Variants in SGCZ observed in about 807,000 individuals in gnomAD.
SGCZ encodes sarcoglycan zeta.
A neutral mutation model predicts 41.3 loss-of-function variants in SGCZ; 40 were observed. That is an observed-to-expected ratio of 0.97 (90% CI 0.75 to 1.26). SGCZ has a LOEUF of 1.26. SGCZ is among the 50% of genes most tolerant of loss of function. The pLI, the probability that SGCZ is intolerant of heterozygous loss-of-function variation, is 0.00. For synonymous variants in SGCZ, 206 were observed against 137.5 expected, an observed-to-expected ratio of 1.50 and a Z score of -3.49; for missense variants, 552 against 369.8, an observed-to-expected ratio of 1.49 and a Z score of -4.04.
intron 1 of SGCZ, among the ~76,000 whole-genome samples, chr8:15,064,383 G>A (rs929754483): frequency 3.3e-5 from 5 of 151,668 alleles, no homozygotes; most frequent in African/African-American, 4.9e-5. Flanking sequence ...TCCTATCCCC[G>A]CACATATATT....
chr8:14,213,495 C>A (rs1805886700), intron 4 of SGCZ, among the ~76,000 whole-genome samples: 1 of 151,484 alleles, frequency 6.6e-6, no homozygotes, highest in African/African-American at 2.4e-5. Context: ...CCTTCTTATA[C>A]AAAGAAAAAA....
At chr8:14,581,169 G>C (rs929562593) in intron 1 of SGCZ, among the ~76,000 whole-genome samples, 3 of 152,066 alleles carry the variant, frequency 2.0e-5, no homozygotes, top group Non-Finnish European at 4.4e-5. Context: ...GTGCAGTGGT[G>C]CGATCTCGGC....
At chr8:14,163,859 TTTC>T (rs1244444094) in intron 5 of SGCZ, among the ~76,000 whole-genome samples, 1 of 152,126 alleles carries the variant, frequency 6.6e-6, no homozygotes, top group Non-Finnish European at 1.5e-5. Flanking sequence ...ACTTTATTAT[TTTC>T]TTCTTGTTTT....
chr8:14,888,876 T>C (rs958843434), intron 1 of SGCZ, among the ~76,000 whole-genome samples: 2 of 152,172 alleles, frequency 1.3e-5, no homozygotes, highest in Non-Finnish European at 2.9e-5. Flanking sequence ...TGGCTTAAAA[T>C]ATTACTTTAA....
intron 1 of SGCZ, among the ~76,000 whole-genome samples, chr8:15,087,612 T>C (rs1805998334): frequency 6.6e-6 from 1 of 152,168 alleles, no homozygotes; most frequent in Non-Finnish European, 1.5e-5. Flanking sequence ...ATGGGTGTAC[T>C]AAAGAGCTTG....
intron 1 of SGCZ, among the ~76,000 whole-genome samples, chr8:14,932,201 T>C (rs1799940807): frequency 6.6e-6 from 1 of 151,910 alleles, no homozygotes. Context: ...CCTAATAAAA[T>C]TAAACATATG....
intron 1 of SGCZ, among the ~76,000 whole-genome samples, chr8:14,838,983 G>A (rs1462942730): frequency 6.6e-6 from 1 of 152,122 alleles, no homozygotes; most frequent in Non-Finnish European, 1.5e-5. Context: ...GACTTCAGGT[G>A]ATCTCCTCAG....
chr8:15,101,669 G>A (rs1038514004), intron 1 of SGCZ, among the ~76,000 whole-genome samples: 4 of 152,230 alleles, frequency 2.6e-5, no homozygotes, highest in Middle Eastern at 3.4e-3. Context: ...GGTGGCTCAC[G>A]CATGTAATCC....
chr8:14,657,433 T>A (rs1016931762), intron 1 of SGCZ, among the ~76,000 whole-genome samples: 10 of 152,122 alleles, frequency 6.6e-5, no homozygotes, highest in Non-Finnish European at 1.2e-4. Flanking sequence ...TTTTGACTTT[T>A]TAAAGTATTT....
intron 4 of SGCZ, among the ~76,000 whole-genome samples, chr8:14,183,819 G>C (rs1361139405): frequency 6.6e-6 from 1 of 152,074 alleles, no homozygotes; most frequent in Non-Finnish European, 1.5e-5. Flanking sequence ...GTCCTAACCA[G>C]AGGAATAAAA....
chr8:14,465,593 A>G (rs1183490458), intron 2 of SGCZ, among the ~76,000 whole-genome samples: 1 of 151,324 alleles, frequency 6.6e-6, no homozygotes, highest in East Asian at 1.9e-4. Context: ...GTATTACTGT[A>G]TCTTTTATGT....
intron 1 of SGCZ, among the ~76,000 whole-genome samples, chr8:15,132,681 G>A (rs758723767): frequency 2.3e-4 from 35 of 152,254 alleles, no homozygotes; most frequent in African/African-American, 7.7e-4. Context: ...GGTAAATATT[G>A]AGGAATTTTG....
intron 1 of SGCZ, among the ~76,000 whole-genome samples, chr8:14,933,720 G>C (rs1399506409): frequency 2.0e-5 from 3 of 151,930 alleles, no homozygotes; most frequent in Non-Finnish European, 4.4e-5. Context: ...CCAAAGTGCT[G>C]GGATTACAGG....
At chr8:15,140,014 T>A (rs117586177) in intron 1 of SGCZ, among the ~76,000 whole-genome samples, 3,493 of 152,046 alleles carry the variant, frequency 0.023, 69 homozygotes, top group Non-Finnish European at 0.033. Context: ...CGGACACTGG[T>A]TATAAAGCCT....
chr8:15,217,687 A>G (rs570735867), intron 1 of SGCZ, among the ~76,000 whole-genome samples: 2 of 152,326 alleles, frequency 1.3e-5, no homozygotes, highest in East Asian at 1.9e-4. Context: ...GCATTTTGAA[A>G]TATTAGCATA....
At chr8:14,289,947 G>C (rs138788328) in intron 3 of SGCZ, among the ~76,000 whole-genome samples, 1 of 152,068 alleles carries the variant, frequency 6.6e-6, no homozygotes, top group African/African-American at 2.4e-5. Context: ...TTCTTCATAA[G>C]GCAGGAGAGT....
intron 1 of SGCZ, among the ~76,000 whole-genome samples, chr8:14,615,735 T>C (rs914072830): frequency 2.6e-5 from 4 of 152,170 alleles, no homozygotes; most frequent in Non-Finnish European, 5.9e-5. Context: ...TTGAGTACTG[T>C]TTCAAATATG....
At chr8:14,255,220 T>C (rs985036467) in intron 3 of SGCZ, among the ~76,000 whole-genome samples, 3 of 152,162 alleles carry the variant, frequency 2.0e-5, no homozygotes, top group African/African-American at 7.2e-5. Context: ...CCAGGAATCA[T>C]TCCAGTCATA....
At chr8:15,189,166 C>A (rs1403291938) in intron 1 of SGCZ, among the ~76,000 whole-genome samples, 1 of 152,030 alleles carries the variant, frequency 6.6e-6, no homozygotes, top group African/African-American at 2.4e-5. Flanking sequence ...TTCAGTTTAG[C>A]AGTAATAATT....
Sources: allele counts gnomAD v4.1 joint callset (sites outside exome capture counted in the v4.1 genomes callset), GRCh38; gene constraint gnomAD v4.1.1; transcripts MANE v1.5; gene names NCBI Gene and HGNC (gene_info 2026-07-23, HGNC 2026-07-21).